MXRA5: variants seen among roughly 807,000 people sequenced by gnomAD.
MXRA5 encodes the protein matrix-remodeling-associated protein 5.
A neutral mutation model predicts 112.5 loss-of-function variants in MXRA5; 41 were observed. The observed-to-expected ratio is 0.36, with a 90% CI of 0.28 to 0.47. MXRA5 has a LOEUF of 0.47. MXRA5 is among the 20% of genes least tolerant of loss of function. The pLI is 0.99. For missense variants in MXRA5, 2,150 were observed against 2,251.0 expected, an observed-to-expected ratio of 0.96 and a Z score of 0.91; for synonymous variants, 862 against 900.8, an observed-to-expected ratio of 0.96 and a Z score of 0.77.
chrX:3,343,511 G>T, intron 2 of MXRA5, 135 bp downstream of exon 2: 2 of 626,576 alleles, frequency 3.2e-6, no homozygotes, highest in African/African-American at 2.2e-5. Flanking sequence ...CCCATCTGCA[G>T]CTCCATAATT....
chrX:3,323,244 C>T lies in MXRA5; in HGVS notation c.2441G>A (p.Ser814Asn), dbSNP rs377177622. 4 of 1,209,246 alleles carry T rather than the reference C, an allele frequency of 3.3e-6. No homozygotes were observed. The African/African-American group carries it at 7.0e-5, about 21-fold the overall frequency. ...AGGAAAAGGTGGTGTGACTTCTAGA[C>T]TCAAGGATGGAGGACTTGTGGTTTT... ...LIKTTSPPSL[S>N]LEVTPPFPAI... The change falls in exon 5 of 7, where the codon AGT becomes AAT. Residue 814 changes from serine to asparagine, a missense_variant. By Grantham distance (46) the Ser-to-Asn change is conservative. Coordinates refer to ENST00000217939, the MANE Select transcript of MXRA5 (RefSeq NM_015419.4).
At chrX:3,315,165 A>G (rs1921061745) in intron 6 of MXRA5, among the ~76,000 whole-genome samples, 1 of 107,673 alleles carries the variant, frequency 9.3e-6, no homozygotes, top group Non-Finnish European at 1.9e-5. Context: ...TGCAGCCACC[A>G]TATACCAGAA....
intron 4 of MXRA5, among the ~76,000 whole-genome samples, chrX:3,328,903 G>A (rs1229178571): frequency 1.0e-5 from 1 of 98,315 alleles, no homozygotes; most frequent in African/African-American, 3.8e-5. Flanking sequence ...AAGGAATGAA[G>A]GAAGGGAGGG....
Position 3,309,502 on chromosome X carries a change from GA to G in MXRA5, c.*213del, listed in dbSNP as rs1450922280. On this transcript the variant is annotated 3_prime_UTR_variant, in exon 7 of 7. Transcript: ENST00000217939. ...CCCCTGGCATGATGTAAACACAAAA[GA>G]AAGTGTCTCAGCAAGGCTGAGCCCT... The G allele has an allele frequency of 2.1e-5, 9 of 420,270 alleles. No homozygotes were observed. The highest frequency in any genetic ancestry group is 3.7e-5 in the Non-Finnish European group (9 of 244,329). 34.6% of individuals were successfully genotyped at this position (420,270 alleles called of 1,213,427 possible).
At chrX:3,342,804 G>A (rs147490703) in intron 2 of MXRA5, among the ~76,000 whole-genome samples, 2,667 of 112,100 alleles carry the variant, frequency 0.024, 94 homozygotes, top group African/African-American at 0.081. Flanking sequence ...CACTGTCAAT[G>A]GAGGAGAGTT....
chrX:3,310,222 G>C lies in MXRA5; in HGVS notation c.7981C>G (p.Pro2661Ala), dbSNP rs868805206. The C allele has an allele frequency of 8.3e-7, 1 of 1,211,839 alleles. No homozygotes were observed. Among genetic ancestry groups the C allele is most frequent in the Non-Finnish European group, 1.1e-6 (1 of 895,443 alleles). Residue 2661 changes from proline to alanine, a missense_variant, in exon 7 of 7, where the codon CCT becomes GCT. Pro to Ala is a conservative substitution (Grantham distance 27). Transcript: ENST00000217939. ...AAACGTCCCTGCCCAGCCCCGGGAG[G>C]GGTGCAGGGGAGCTTCAGGGTCTCA... ...NGETLKLPCT[P>A]PGAGQGRFSW...
At position 3,323,620 on chromosome X, in the gene MXRA5, A is replaced by G; in HGVS notation, c.2065T>C (p.Ser689Pro). ...TCCACGATGTCTTCTCTGACTCTGG[A>G]AAGAGCCTTTGCACCTGGGCGTCTG... ...RGRRPGAKAL[S>P]RVREDIVEDE... is the part of the protein sequence containing the mutation. The change falls in exon 5 of 7, where the codon TCC (serine) becomes CCC (proline). Residue 689 changes from serine (S) to proline (P), a missense_variant. Physicochemically the swap from Ser to Pro is moderately conservative, Grantham distance 74. Around this residue, in one of 6 missense-constraint regions of MXRA5, gnomAD observed 1,485 missense variants for 1,471.6 expected, o/e 1.01. Coordinates refer to ENST00000217939, the MANE Select transcript of MXRA5 (RefSeq NM_015419.4). 6 of 1,210,782 alleles carry G rather than the reference A, an allele frequency of 5.0e-6. No homozygotes were observed. Among genetic ancestry groups the G allele is most frequent in the Non-Finnish European group, 6.7e-6 (6 of 895,052 alleles).
At chrX:3,330,506 G>A in intron 3 of MXRA5, 98 bp from the exon 4 acceptor site, 1 of 1,106,141 alleles carries the variant, frequency 9.0e-7, no homozygotes, top group East Asian at 3.0e-5. Context: ...GGGCTGGAGA[G>A]TAATGACATG....
At chrX:3,340,814 G>A (rs1472810886) in intron 2 of MXRA5, among the ~76,000 whole-genome samples, 1 of 104,678 alleles carries the variant, frequency 9.6e-6, no homozygotes, top group East Asian at 2.9e-4. Context: ...TGTTGGTGCT[G>A]TAAGTCTCAA....
rs766847343 is a variant in MXRA5, at chrX:3,320,208, G to A, written c.5477C>T (p.Ser1826Leu). The A allele has an allele frequency of 8.3e-7, 1 of 1,211,319 alleles. No individual in the cohort carries two copies. Among genetic ancestry groups the A allele is most frequent in the Non-Finnish European group, 1.1e-6 (1 of 895,437 alleles). ...TGAGCTGCTCTGGTGGAAGCTTCCT[G>A]AGGACTGGACAGAAGATGTTATAAA... is the stretch of plus-strand genomic sequence containing the variant. Reference protein sequence around the residue: ...ISFITSSVQSSGSFHQSSSKF... With the variant: ...ISFITSSVQSLGSFHQSSSKF... The change falls in exon 5 of 7, where the codon TCA (serine) becomes TTA (leucine). Residue 1826 changes from serine to leucine, a missense_variant. By Grantham distance (145) the Ser-to-Leu change is moderately radical (BLOSUM62 -2). Around this residue, in one of 6 missense-constraint regions of MXRA5, gnomAD observed 1,485 missense variants for 1,471.6 expected, o/e 1.01. Coordinates refer to ENST00000217939, the MANE Select transcript of MXRA5 (RefSeq NM_015419.4).
chrX:3,325,983 A>G (rs1921470766), intron 4 of MXRA5, among the ~76,000 whole-genome samples: 1 of 58,972 alleles, frequency 1.7e-5, no homozygotes, highest in Admixed American at 2.8e-4. Flanking sequence ...AATTTATAAT[A>G]TATAATTTAT....
chrX:3,322,271 C>T lies in MXRA5; in HGVS notation c.3414G>A (p.Pro1138=), dbSNP rs200540019. Residue 1138 remains proline (P), a synonymous_variant, in exon 5 of 7, where the codon CCG becomes CCA. Transcript: ENST00000217939. ...AAGGGTGAGTGCTCATGGTGGATGA[C>T]GGAGCAACTTTTTGCCTTGGTGTTG... ...ATTTPRQKVA[P]SSTMSTHPSR... is the part of the protein sequence containing the mutation. The T allele has an allele frequency of 1.1e-4, 127 of 1,202,983 alleles. No homozygotes were observed. Among genetic ancestry groups the T allele is most frequent in the Middle Eastern group, 7.0e-4 (3 of 4,310 alleles).
rs371237444 is a variant in MXRA5 at position 3,321,270 on chromosome X, A to G, written c.4415T>C (p.Leu1472Pro). The change falls in exon 5 of 7, where the codon CTC (leucine) becomes CCC (proline). Residue 1472 changes from leucine to proline, a missense_variant. This residue lies in a region of MXRA5 where 1,485 missense variants were observed against 1,471.6 expected (regional missense o/e 1.01). Coordinates refer to ENST00000217939, the MANE Select transcript of MXRA5 (RefSeq NM_015419.4). ...QDHLETTVAI[L>P]LSETRPQNHT... Reference sequence around the variant, plus strand: ...ATTCTGTGGTCTAGTTTCAGAAAGGAGAATAGCCACAGTGGTTTCAAGATG... The same window carrying G: ...ATTCTGTGGTCTAGTTTCAGAAAGGGGAATAGCCACAGTGGTTTCAAGATG... The G allele has an allele frequency of 4.1e-6, 5 of 1,209,586 alleles. No individual in the cohort carries two copies. In the African/African-American group the frequency reaches 8.8e-5, roughly 21 times the overall value.
chrX:3,325,499 AATAG>A (rs1921436320), intron 4 of MXRA5, among the ~76,000 whole-genome samples: 1 of 105,553 alleles, frequency 9.5e-6, no homozygotes, highest in East Asian at 2.8e-4. Flanking sequence ...TATCTATCTT[AATAG>A]ATATATAGAT....
chrX:3,339,775 A>T (rs1921872411), intron 2 of MXRA5, among the ~76,000 whole-genome samples: 1 of 112,000 alleles, frequency 8.9e-6, no homozygotes. Flanking sequence ...ACACTCAGGG[A>T]ACAGAATCTA....
At chrX:3,338,902 A>T (rs1460000956) in intron 2 of MXRA5, among the ~76,000 whole-genome samples, 3 of 109,816 alleles carry the variant, frequency 2.7e-5, no homozygotes, top group Admixed American at 9.8e-5. Flanking sequence ...GATGATAGAG[A>T]TAGATGATAG....
chrX:3,317,887 T>C lies in MXRA5; in HGVS notation c.5794A>G (p.Asn1932Asp), dbSNP rs1422641305. 8.3e-7 allele frequency: 1 copy of C among 1,209,407 alleles called. No individual in the cohort carries two copies. Among genetic ancestry groups the C allele is most frequent in the Non-Finnish European group, 1.1e-6 (1 of 895,140 alleles). ...ACCATCCTGTCCAGGCCGTGCAGGT[T>C]GCTGGCGGTGCACATATACTGGCCT... ...DRGQYMCTAS[N>D]LHGLDRMVVL... The change falls in exon 6 of 7, where the codon AAC becomes GAC. Residue 1932 changes from asparagine (N) to aspartate (D), a missense_variant. Coordinates refer to ENST00000217939, the MANE Select transcript of MXRA5 (RefSeq NM_015419.4).
chrX:3,340,202 C>G (rs1921882701), intron 2 of MXRA5, among the ~76,000 whole-genome samples: 2 of 112,119 alleles, frequency 1.8e-5, no homozygotes, highest in African/African-American at 6.5e-5. Flanking sequence ...ACCCTAAAAA[C>G]AGCTGTGTGG....
chrX:3,346,323 T>C (rs1410950987), intron 1 of MXRA5, among the ~76,000 whole-genome samples, 192 bp downstream of exon 1: 1 of 112,421 alleles, frequency 8.9e-6, no homozygotes. Context: ...TATCTGATCC[T>C]TAGCTACTTA....
Sources: gnomAD v4.1 joint callset for allele counts (sites outside exome capture counted in the v4.1 genomes callset) on GRCh38, gnomAD v4.1.1 for gene constraint, gnomAD v4.1.1 regional missense constraint, MANE v1.5 for transcripts, NCBI Gene and HGNC (gene_info 2026-07-23, HGNC 2026-07-21) for gene names.